Variants in CNGB1 observed in about 807,000 individuals in gnomAD.
CNGB1 encodes cyclic nucleotide-gated channel beta-1.
CNGB1 carries 126 observed loss-of-function variants against 151.7 expected under a neutral mutation model. That is an observed-to-expected ratio of 0.83 (90% CI 0.72 to 0.96). CNGB1 has a LOEUF of 0.96. Ranked by LOEUF, CNGB1 falls within the 40% of genes least tolerant of loss-of-function variation. CNGB1 has a pLI of 0.00. For synonymous variants in CNGB1, 623 were observed against 635.1 expected (o/e 0.98, Z 0.29); for missense variants, 1,698 against 1,627.0 (o/e 1.04, Z -0.75).
At chr16:57,908,601 C>T (rs772861062) in intron 25 of CNGB1, among the ~76,000 whole-genome samples, 1 of 152,252 alleles carries the variant, frequency 6.6e-6, no homozygotes, top group Non-Finnish European at 1.5e-5. Flanking sequence ...CCATTTGCAG[C>T]CCCATTTTGC....
In CNGB1 at chr16:57,967,105, C is replaced by A. The variant is rs770584911; in HGVS notation, c.159+23G>T. The A allele has an allele frequency of 1.2e-5, 19 of 1,614,050 alleles. No individual in the cohort carries two copies. The Admixed American group carries it at 3.2e-4, about 27-fold the overall frequency. On this transcript the variant is annotated intron_variant, in intron 2 of 32. Coordinates refer to ENST00000251102, the MANE Select transcript of CNGB1 (RefSeq NM_001297.5). ...CCCTGAGCAGCGAGGCCGGCCTGCC[C>A]CTCCTCCCGCTCTACCTCTCACCAT...
chr16:57,936,429 T>G (rs955083046), intron 16 of CNGB1, among the ~76,000 whole-genome samples: 3 of 152,180 alleles, frequency 2.0e-5, no homozygotes, highest in African/African-American at 7.2e-5. Flanking sequence ...TTGTTTAAAC[T>G]AAGGTTTATA....
At chr16:57,892,876 C>T (rs1960131676) in intron 31 of CNGB1, among the ~76,000 whole-genome samples, 3 of 152,332 alleles carry the variant, frequency 2.0e-5, no homozygotes, top group Admixed American at 2.0e-4. Flanking sequence ...CCCCAACCAG[C>T]TTATCTCAGA....
intron 12 of CNGB1, among the ~76,000 whole-genome samples, chr16:57,951,029 A>G (rs934313665): frequency 6.6e-6 from 1 of 152,124 alleles, no homozygotes; most frequent in African/African-American, 2.4e-5. Context: ...TACGTTCGGC[A>G]TTTGCTTCTG....
At chr16:57,900,893 G>A (rs1208198798) in intron 29 of CNGB1, among the ~76,000 whole-genome samples, 1 of 151,836 alleles carries the variant, frequency 6.6e-6, no homozygotes, top group Admixed American at 6.6e-5. Flanking sequence ...CTGTGTGCTG[G>A]ATCTTATCCA....
chr16:57,935,449 G>A (rs1004072109), intron 16 of CNGB1, among the ~76,000 whole-genome samples: 4 of 152,288 alleles, frequency 2.6e-5, no homozygotes, highest in Non-Finnish European at 4.4e-5. Flanking sequence ...GGAGGCTGAG[G>A]TGGGCAAATC....
At position 57,964,175 on chromosome 16, in the gene CNGB1, G is replaced by A. The variant is rs766414440; in HGVS notation, c.245C>T (p.Thr82Ile). 132 of 1,614,064 alleles carry A rather than the reference G, an allele frequency of 8.2e-5. No individual in the cohort carries two copies. Among genetic ancestry groups the A allele is most frequent in the Non-Finnish European group, 1.1e-4 (130 of 1,180,038 alleles). Residue 82 changes from threonine (T) to isoleucine (I), a missense_variant, in exon 4 of 33, where the codon ACC becomes ATC. Thr to Ile is a moderately conservative substitution (Grantham distance 89). Transcript: ENST00000251102. ...QETKEAALTS[T>I]ISLRAQGAEI... The stretch of plus-strand genomic sequence containing the variant: ...AGCGCCCTGGGCCCGGAGGGATATG[G>A]TGGAAGTAAGGGCAGCCTCCTTGGT...
chr16:57,896,952 G>C (rs1960245914), intron 31 of CNGB1, among the ~76,000 whole-genome samples: 1 of 152,054 alleles, frequency 6.6e-6, no homozygotes, highest in African/African-American at 2.4e-5. Flanking sequence ...AGCAAAATCT[G>C]AAGATGGATT....
intron 17 of CNGB1, among the ~76,000 whole-genome samples, chr16:57,925,674 C>A (rs1456242159): frequency 1.3e-5 from 2 of 150,164 alleles, no homozygotes; most frequent in Non-Finnish European, 1.5e-5. Context: ...CTTGGTTTCC[C>A]AAGGGAAGTT....
chr16:57,897,459 C>T lies in CNGB1; in HGVS notation c.3180G>A (p.Lys1060=), dbSNP rs367764281. ...AATGCACCAAAATCTCATTCAGGTC[C>T]TTCTTATCCAGGATGAAGAGGTTGG... The part of the protein sequence containing the change: ...GFTNLFILDK[K]DLNEILVHYP... Residue 1060 remains lysine, a synonymous_variant, in exon 31 of 33, where the codon AAG becomes AAA. Transcript: ENST00000251102. 24 of 1,614,108 alleles carry T rather than the reference C, an allele frequency of 1.5e-5. No homozygotes were observed. The highest frequency in any genetic ancestry group is 5.5e-5 in the South Asian group (5 of 91,090).
intron 16 of CNGB1, among the ~76,000 whole-genome samples, chr16:57,932,739 C>A (rs1161519396): frequency 1.3e-5 from 2 of 152,042 alleles, no homozygotes; most frequent in Non-Finnish European, 2.9e-5. Context: ...TGCCACCACG[C>A]CCGGCTAATT....
intron 19 of CNGB1, 25 bp downstream of exon 19, chr16:57,920,362 A>AG: frequency 6.2e-7 from 1 of 1,613,616 alleles, no homozygotes; most frequent in Non-Finnish European, 8.5e-7. Flanking sequence ...CCATCCAGGT[A>AG]GACCCCCTCC....
chr16:57,953,047 C>T (rs898928261), intron 12 of CNGB1, among the ~76,000 whole-genome samples: 2 of 152,144 alleles, frequency 1.3e-5, no homozygotes, highest in East Asian at 1.9e-4. Flanking sequence ...ATTCATAGCT[C>T]GCCCAGCTTC....
intron 16 of CNGB1, among the ~76,000 whole-genome samples, chr16:57,932,329 T>C (rs1457930581): frequency 6.6e-6 from 1 of 151,964 alleles, no homozygotes; most frequent in Non-Finnish European, 1.5e-5. Flanking sequence ...CACCCCAAGT[T>C]AGGGTGACCA....
intron 13 of CNGB1, 26 bp downstream of exon 13, chr16:57,950,355 T>C: frequency 6.2e-7 from 1 of 1,613,910 alleles, no homozygotes; most frequent in Non-Finnish European, 8.5e-7. Flanking sequence ...ATAACTAATC[T>C]TTTAGGGTCT....
rs11076207 is a variant in CNGB1, at chr16:57,887,848, A to G, written c.3462+7T>C. Reference sequence around the variant, plus strand: ...GAACGTGGTGGCTGGGTTCCCAACCACATTACCTGTTCCACCAACTCTTGC... The same window carrying G: ...GAACGTGGTGGCTGGGTTCCCAACCGCATTACCTGTTCCACCAACTCTTGC... On this transcript the variant is annotated splice_region_variant and intron_variant, in intron 32 of 32. Transcript: ENST00000251102. 496,961 of 1,613,030 alleles carry G rather than the reference A, an allele frequency of 0.31. 79,530 individuals are homozygous for G. Among genetic ancestry groups the G allele is most frequent in the African/African-American group, 0.54 (40,403 of 74,872 alleles).
intron 31 of CNGB1, 146 bp downstream of exon 31, chr16:57,897,251 A>T (rs1368802443): frequency 1.2e-6 from 1 of 840,170 alleles, no homozygotes; most frequent in African/African-American, 1.7e-5. Context: ...GTAGTGAGTC[A>T]TGATCACTCC....
chr16:57,926,478 A>ACATC (rs1961192573), intron 17 of CNGB1, among the ~76,000 whole-genome samples: 1 of 152,226 alleles, frequency 6.6e-6, no homozygotes, highest in Non-Finnish European at 1.5e-5. Flanking sequence ...GGGATGTGTG[A>ACATC]CATCCACCTT....
intron 24 of CNGB1, among the ~76,000 whole-genome samples, chr16:57,912,528 G>A (rs1342507196): frequency 6.6e-6 from 1 of 152,106 alleles, no homozygotes; most frequent in African/African-American, 2.4e-5. Context: ...GTCAGTGGGG[G>A]TAGACAATGT....
Sources: gnomAD v4.1 joint callset for allele counts (sites outside exome capture counted in the v4.1 genomes callset) on GRCh38, gnomAD v4.1.1 for gene constraint, MANE v1.5 for transcripts, NCBI Gene and HGNC (gene_info 2026-07-23, HGNC 2026-07-21) for gene names.